Variants in EXOC2 observed in about 807,000 individuals in gnomAD.
EXOC2 encodes SEC5-like 1.
EXOC2 carries 70 observed loss-of-function variants against 131.8 expected under a neutral mutation model. The ratio of observed to expected loss-of-function variants is 0.53; its 90% CI spans 0.44 to 0.65. The LOEUF (loss-of-function observed/expected upper bound fraction) is 0.65, where lower values mean the gene tolerates loss of function less well. Ranked by LOEUF, EXOC2 falls within the 30% of genes least tolerant of loss-of-function variation. The pLI is 0.00. For synonymous variants in EXOC2, 411 were observed against 398.4 expected (o/e 1.03, Z -0.38); for missense variants, 923 against 1,108.6 (o/e 0.83, Z 2.38).
intron 6 of EXOC2, among the ~76,000 whole-genome samples, chr6:610,871 G>C (rs1465656411): frequency 6.6e-6 from 1 of 152,158 alleles, no homozygotes; most frequent in African/African-American, 2.4e-5. Flanking sequence ...TAAACAGACT[G>C]CTCCTCTATC....
chr6:661,351 C>A lies in EXOC2; in HGVS notation c.-43-23490G>T, dbSNP rs1297355397. 2.0e-5 allele frequency among the ~76,000 whole-genome samples: 3 copies of A among 152,310 alleles called. No homozygotes were observed. The East Asian group carries it at 5.8e-4, about 29-fold the overall frequency. On this transcript the variant is annotated intron_variant, in intron 1 of 27. Coordinates refer to ENST00000230449, the MANE Select transcript of EXOC2 (RefSeq NM_018303.6). ...AGGCACACTGTCATCAGGTTATACA[C>A]AGTTCAGACTAAGGAAAGAGCTAAG...
chr6:500,924 G>A (rs1425134466), intron 23 of EXOC2, among the ~76,000 whole-genome samples: 1 of 151,042 alleles, frequency 6.6e-6, no homozygotes, highest in East Asian at 1.9e-4. Flanking sequence ...ACTAGGTTTT[G>A]ATTGTGTCAC....
intron 1 of EXOC2, among the ~76,000 whole-genome samples, chr6:678,024 G>C (rs1764233113): frequency 6.6e-6 from 1 of 152,030 alleles, no homozygotes; most frequent in African/African-American, 2.4e-5. Flanking sequence ...TTTCCCCAAA[G>C]TGCCTCCCTC....
At chr6:551,986 C>T (rs1292061468) in intron 21 of EXOC2, among the ~76,000 whole-genome samples, 2 of 152,250 alleles carry the variant, frequency 1.3e-5, no homozygotes, top group Non-Finnish European at 2.9e-5. Context: ...GCTTCCCTCG[C>T]TTTCTCTCCG....
At chr6:547,769 C>T (rs1756942230) in intron 22 of EXOC2, among the ~76,000 whole-genome samples, 2 of 152,000 alleles carry the variant, frequency 1.3e-5, no homozygotes, top group African/African-American at 4.8e-5. Flanking sequence ...TGGGAAAGAG[C>T]CTACCATTTA....
In EXOC2 at chr6:549,615, A is replaced by G. The variant is rs545264772; in HGVS notation, c.2122-324T>C. Among the ~76,000 whole-genome samples, 40 of 152,366 alleles carry G rather than the reference A, an allele frequency of 2.6e-4. No individual in the cohort carries two copies. In the South Asian group the frequency reaches 7.9e-3, roughly 30 times the overall value. On this transcript the variant is annotated intron_variant, in intron 21 of 27. Coordinates refer to ENST00000230449, the MANE Select transcript of EXOC2 (RefSeq NM_018303.6). Reference sequence around the variant, plus strand: ...GGAACTGGGATCAGTGTTGCTTATGAAAAGTGTTCTACTATATTGTTTACT... The same window carrying G: ...GGAACTGGGATCAGTGTTGCTTATGGAAAGTGTTCTACTATATTGTTTACT...
chr6:547,008 G>GT (rs1756900974), intron 22 of EXOC2, among the ~76,000 whole-genome samples: 2 of 152,210 alleles, frequency 1.3e-5, no homozygotes, highest in Admixed American at 6.5e-5. Context: ...ATGAGAAAAT[G>GT]TAATTTTGAG....
intron 15 of EXOC2, 131 bp from the exon 16 acceptor site, chr6:564,285 A>T: frequency 7.4e-7 from 1 of 1,347,868 alleles, no homozygotes; most frequent in Non-Finnish European, 1.0e-6. Context: ...ACAGAAACAG[A>T]CCACAACTGG....
intron 6 of EXOC2, among the ~76,000 whole-genome samples, chr6:611,023 TA>T (rs1344320302): frequency 6.6e-6 from 1 of 152,216 alleles, no homozygotes; most frequent in Non-Finnish European, 1.5e-5. Context: ...AACAGTGACA[TA>T]AGATGTTTCT....
At chr6:546,837 G>A (rs1174309961) in intron 22 of EXOC2, among the ~76,000 whole-genome samples, 2 of 152,214 alleles carry the variant, frequency 1.3e-5, no homozygotes, top group Non-Finnish European at 2.9e-5. Context: ...GCTACTAGTA[G>A]TTAGGTTTTA....
chr6:632,789 C>A lies in EXOC2; in HGVS notation c.295+152G>T, dbSNP rs185496585. The A allele has an allele frequency of 3.8e-5, 30 of 780,210 alleles. No homozygotes were observed. The African/African-American group carries it at 4.9e-4, about 13-fold the overall frequency. The allele number at this position is 780,210 out of a possible 1,614,324, so 48.3% of individuals were successfully genotyped here. ...TTCCCGAAAGTAACACAAATATTAA[C>A]CAACATCCCAATCCTGTCAAAATAA... On this transcript the variant is annotated intron_variant, in intron 3 of 27. Transcript: ENST00000230449.
chr6:511,330 C>T (rs751220652), intron 23 of EXOC2, among the ~76,000 whole-genome samples: 6 of 151,800 alleles, frequency 4.0e-5, no homozygotes, highest in African/African-American at 9.7e-5. Context: ...AAGAAATAGC[C>T]GTAAAACCTT....
rs748279609 is a variant in EXOC2 at position 501,199 on chromosome 6, ATAT to A, written c.2381-1502_2381-1500del. Among the ~76,000 whole-genome samples the A allele has an allele frequency of 1.5e-3, 32 of 21,028 alleles. 7 individuals are homozygous for A. Among genetic ancestry groups the A allele is most frequent in the Middle Eastern group, 0.056 (1 of 18 alleles). 13.8% of individuals were successfully genotyped at this position (21,028 alleles called of 152,430 possible). A position where few individuals can be genotyped will look rare whatever the true frequency, so the allele number is the denominator to read the frequency against. On this transcript the variant is annotated intron_variant, in intron 23 of 27. Coordinates refer to ENST00000230449, the MANE Select transcript of EXOC2 (RefSeq NM_018303.6). ...ATCTATATATTATATATATCTATAT[ATAT>A]TATATATATATTATATATATCTATA...
chr6:489,203 G>A (rs369265368), intron 26 of EXOC2, among the ~76,000 whole-genome samples, 165 bp from the exon 27 acceptor site: 3 of 152,190 alleles, frequency 2.0e-5, no homozygotes, highest in East Asian at 1.9e-4. Context: ...AAGTAAAAGC[G>A]AAGGTGTAGC....
chr6:578,433 C>A (rs1224336087), intron 11 of EXOC2, among the ~76,000 whole-genome samples: 1 of 152,018 alleles, frequency 6.6e-6, no homozygotes, highest in Non-Finnish European at 1.5e-5. Flanking sequence ...GATAAATAAA[C>A]AACAAAACTA....
Position 619,413 on chromosome 6 carries a change from G to A in EXOC2, c.536+17C>T, listed in dbSNP as rs755673623. On this transcript the variant is annotated intron_variant, in intron 5 of 27. Coordinates refer to ENST00000230449, the MANE Select transcript of EXOC2 (RefSeq NM_018303.6). ...TGAGTGAAACCCTTCACAGTTGACAGTCCCATATCCACTAACCTGGTGTTT... is the reference window on the plus strand; with the variant it reads ...TGAGTGAAACCCTTCACAGTTGACAATCCCATATCCACTAACCTGGTGTTT... 6.3e-6 allele frequency: 10 copies of A among 1,581,494 alleles called. No individual in the cohort carries two copies. The highest frequency in any genetic ancestry group is 8.7e-6 in the Non-Finnish European group (10 of 1,150,774).
intron 25 of EXOC2, among the ~76,000 whole-genome samples, chr6:495,416 G>A (rs747792665): frequency 2.8e-4 from 43 of 152,216 alleles, no homozygotes; most frequent in Admixed American, 8.5e-4. Context: ...GAGCCACCGC[G>A]CCCGGCCTGA....
intron 1 of EXOC2, among the ~76,000 whole-genome samples, chr6:684,186 G>C (rs372674231): frequency 1.3e-5 from 2 of 152,134 alleles, no homozygotes; most frequent in Admixed American, 6.5e-5. Flanking sequence ...GGTTAGGGAG[G>C]GGGAGACAGG....
intron 23 of EXOC2, among the ~76,000 whole-genome samples, chr6:517,407 G>A (rs1765220129): frequency 6.6e-6 from 1 of 151,980 alleles, no homozygotes; most frequent in Non-Finnish European, 1.5e-5. Flanking sequence ...ACTTCATAAA[G>A]GTAATCAAAA....
Sources: allele counts gnomAD v4.1 joint callset (sites outside exome capture counted in the v4.1 genomes callset), GRCh38; gene constraint gnomAD v4.1.1; transcripts MANE v1.5; gene names NCBI Gene and HGNC (gene_info 2026-07-23, HGNC 2026-07-21).